Variants in ADAMTSL1 observed in about 807,000 individuals in gnomAD.
The protein encoded by ADAMTSL1 is ADAMTS-like protein 1.
In ADAMTSL1, 126 loss-of-function variants were observed where a neutral mutation model predicts 201.8. The ratio of observed to expected loss-of-function variants is 0.62; its 90% CI spans 0.54 to 0.72. The LOEUF (loss-of-function observed/expected upper bound fraction) is 0.72, where lower values mean the gene tolerates loss of function less well. Among genes scored for constraint, ADAMTSL1 ranks in the 30% least tolerant of loss-of-function variants. The pLI, the probability that ADAMTSL1 is intolerant of heterozygous loss-of-function variation, is 0.00. For synonymous variants in ADAMTSL1, 1,121 were observed against 903.4 expected (o/e 1.24, Z -4.32); for missense variants, 2,679 against 2,277.8 (o/e 1.18, Z -3.59).
chr9:18,644,488 T>G (rs1332866634), intron 7 of ADAMTSL1, among the ~76,000 whole-genome samples: 1 of 152,108 alleles, frequency 6.6e-6, no homozygotes, highest in East Asian at 1.9e-4. Flanking sequence ...CTGCACCCAT[T>G]AACTTGTCAT....
intron 26 of ADAMTSL1, among the ~76,000 whole-genome samples, chr9:18,894,604 C>T (rs1240987755): frequency 2.6e-5 from 4 of 151,528 alleles, no homozygotes; most frequent in African/African-American, 9.7e-5. Context: ...AATTGAACAA[C>T]TAGATAGGAA....
chr9:18,146,493 A>G (rs1199552736), intron 1 of ADAMTSL1, among the ~76,000 whole-genome samples: 2 of 152,186 alleles, frequency 1.3e-5, no homozygotes, highest in Non-Finnish European at 2.9e-5. Flanking sequence ...TATGATTCTG[A>G]TTTTATGACA....
chr9:18,305,587 C>G (rs1833877769), intron 2 of ADAMTSL1, among the ~76,000 whole-genome samples: 1 of 152,204 alleles, frequency 6.6e-6, no homozygotes, highest in Non-Finnish European at 1.5e-5. Flanking sequence ...AACAAAGCCG[C>G]AGGGAAGTTC....
chr9:18,667,010 G>C (rs76945966), intron 9 of ADAMTSL1, among the ~76,000 whole-genome samples: 4,094 of 150,998 alleles, frequency 0.027, 75 homozygotes, highest in Middle Eastern at 0.054. Flanking sequence ...TAATGAAGGG[G>C]GCTTAAATTG....
At chr9:18,462,960 A>AAAATAG (rs1820865090) in intron 2 of ADAMTSL1, among the ~76,000 whole-genome samples, 1 of 151,944 alleles carries the variant, frequency 6.6e-6, no homozygotes, top group African/African-American at 2.4e-5. Context: ...AATAAAAATA[A>AAAATAG]AAAATAAAAT....
chr9:18,709,998 A>C (rs1012438901), intron 14 of ADAMTSL1, among the ~76,000 whole-genome samples: 1 of 152,188 alleles, frequency 6.6e-6, no homozygotes, highest in South Asian at 2.1e-4. Flanking sequence ...TGTCCTCCTG[A>C]GAGCATATAT....
Position 18,174,370 on chromosome 9 carries a change from G to T in ADAMTSL1, c.207+10389G>T, listed in dbSNP as rs138149625. Among the ~76,000 whole-genome samples, 237 of 152,250 alleles carry T rather than the reference G, an allele frequency of 1.6e-3. 1 individual carries two copies. The highest frequency in any genetic ancestry group is 3.9e-3 in the Admixed American group (59 of 15,280). ...AGGCAGTTGAAAAGGAGTGGTTGGG[G>T]ATTCTTCTAGTGGTTGAACAAGGTC... On this transcript the variant is annotated intron_variant, in intron 2 of 29. Transcript: ENST00000680146.
intron 14 of ADAMTSL1, among the ~76,000 whole-genome samples, chr9:18,721,166 G>C (rs933858413): frequency 3.3e-5 from 5 of 152,162 alleles, no homozygotes; most frequent in Non-Finnish European, 7.3e-5. Flanking sequence ...AGATGTGAAG[G>C]TTTTGGGCCC....
chr9:18,182,218 G>T (rs1472840433), intron 2 of ADAMTSL1, among the ~76,000 whole-genome samples: 2 of 151,364 alleles, frequency 1.3e-5, no homozygotes, highest in African/African-American at 4.9e-5. Flanking sequence ...CAGCGCACCA[G>T]CATGTCACAT....
intron 2 of ADAMTSL1, among the ~76,000 whole-genome samples, chr9:18,455,130 A>G (rs1356733863): frequency 6.6e-6 from 1 of 152,236 alleles, no homozygotes; most frequent in Non-Finnish European, 1.5e-5. Flanking sequence ...CCATCAAGTT[A>G]AAATTACTGT....
intron 2 of ADAMTSL1, among the ~76,000 whole-genome samples, chr9:18,356,711 G>A (rs966081556): frequency 6.6e-6 from 1 of 151,690 alleles, no homozygotes; most frequent in Admixed American, 6.6e-5. Flanking sequence ...TATAACCAAA[G>A]TCAGGATGCA....
chr9:18,316,024 G>C (rs1834378543), intron 2 of ADAMTSL1, among the ~76,000 whole-genome samples: 2 of 152,186 alleles, frequency 1.3e-5, no homozygotes, highest in Admixed American at 1.3e-4. Flanking sequence ...TTAAAGCTGG[G>C]CGTCGGGGGA....
chr9:18,608,570 AT>A (rs1769024386), intron 4 of ADAMTSL1, among the ~76,000 whole-genome samples: 1 of 152,136 alleles, frequency 6.6e-6, no homozygotes, highest in South Asian at 2.1e-4. Context: ...GAAACAGCTC[AT>A]TTTTCCATTG....
chr9:18,426,466 T>G (rs1819227939), intron 2 of ADAMTSL1, among the ~76,000 whole-genome samples: 1 of 152,178 alleles, frequency 6.6e-6, no homozygotes, highest in Non-Finnish European at 1.5e-5. Context: ...TAATCTGCAT[T>G]TGGGACTTAG....
At chr9:18,319,519 T>A (rs533744190) in intron 2 of ADAMTSL1, among the ~76,000 whole-genome samples, 1 of 152,222 alleles carries the variant, frequency 6.6e-6, no homozygotes, top group Non-Finnish European at 1.5e-5. Flanking sequence ...AATGGCTGAC[T>A]CTCCCTAGAT....
rs537162429 is a variant in ADAMTSL1, at chr9:18,299,041, A to G, written c.207+135060A>G. On this transcript the variant is annotated intron_variant, in intron 2 of 29. Transcript: ENST00000680146. ...AAAAAAAATAATAATAATAATAATA[A>G]TAGCCGCCGTTTTTGCTAAGCAACA... Among the ~76,000 whole-genome samples, 8 of 151,108 alleles carry G rather than the reference A, an allele frequency of 5.3e-5. No individual in the cohort carries two copies. The East Asian group carries it at 5.9e-4, about 11-fold the overall frequency.
intron 1 of ADAMTSL1, among the ~76,000 whole-genome samples, chr9:17,982,280 A>C (rs1293955412): frequency 6.6e-6 from 1 of 152,146 alleles, no homozygotes; most frequent in Non-Finnish European, 1.5e-5. Flanking sequence ...GATCCATATG[A>C]GTTGTGGCCT....
chr9:18,824,602 C>G (rs1448242646), intron 21 of ADAMTSL1, among the ~76,000 whole-genome samples: 1 of 152,148 alleles, frequency 6.6e-6, no homozygotes, highest in Non-Finnish European at 1.5e-5. Flanking sequence ...AAAACCAGCC[C>G]CAGCTCAGGG....
chr9:17,954,618 G>A (rs933341258), intron 1 of ADAMTSL1, among the ~76,000 whole-genome samples: 5 of 152,150 alleles, frequency 3.3e-5, no homozygotes, highest in African/African-American at 7.2e-5. Context: ...AGGCATGGAA[G>A]GAATCATGCT....
Sources: gnomAD v4.1 joint callset for allele counts (sites outside exome capture counted in the v4.1 genomes callset) on GRCh38, gnomAD v4.1.1 for gene constraint, MANE v1.5 for transcripts, NCBI Gene and HGNC (gene_info 2026-07-23, HGNC 2026-07-21) for gene names.